PSAP: variants seen among roughly 807,000 people sequenced by gnomAD.
PSAP encodes the protein precursor of saposins.
PSAP carries 25 observed loss-of-function variants against 66.0 expected under a neutral mutation model. The observed-to-expected ratio is 0.38, with a 90% CI of 0.28 to 0.53. PSAP has a LOEUF of 0.53. Among genes scored for constraint, PSAP ranks in the 20% least tolerant of loss-of-function variants. The probability of loss-of-function intolerance (pLI) is 0.83; values close to 1 mark genes in which losing one functional copy is unlikely to be tolerated. For missense variants in PSAP, 649 were observed against 668.8 expected, an observed-to-expected ratio of 0.97 and a Z score of 0.33; for synonymous variants, 273 against 258.9, an observed-to-expected ratio of 1.05 and a Z score of -0.52.
intron 7 of PSAP, 40 bp from the exon 8 acceptor site, chr10:71,822,047 C>A: frequency 6.2e-7 from 1 of 1,613,612 alleles, no homozygotes; most frequent in Non-Finnish European, 8.5e-7. Context: ...AGCAAGCCTA[C>A]GCCCACTGCT....
intron 3 of PSAP, 118 bp from the exon 4 acceptor site, chr10:71,831,369 C>G (rs1842512746): frequency 1.4e-5 from 19 of 1,371,660 alleles, no homozygotes; most frequent in Non-Finnish European, 1.9e-5. Flanking sequence ...AACAGCCAGC[C>G]CTCAGGGAAA....
intron 1 of PSAP, among the ~76,000 whole-genome samples, chr10:71,838,483 G>A (rs1486872297): frequency 1.3e-5 from 2 of 152,250 alleles, no homozygotes; most frequent in African/African-American, 4.8e-5. Flanking sequence ...CCACCAGGGT[G>A]TGGAGCTGGT....
rs1842257063 is a variant in PSAP, at chr10:71,819,758, C to T, written c.1148G>A (p.Ser383Asn). The change falls in exon 10 of 14, where the codon AGC (serine) becomes AAC (asparagine). Residue 383 changes from serine (S) to asparagine (N), a missense_variant. By Grantham distance (46) the Ser-to-Asn change is conservative. Coordinates refer to ENST00000394936, the MANE Select transcript of PSAP (RefSeq NM_002778.4). ...LEEVSPELVCSMLHLCSGTRL... is the reference protein window; with the variant it reads ...LEEVSPELVCNMLHLCSGTRL... The stretch of plus-strand genomic sequence containing the variant: ...CGTGCCAGAGCAGAGGTGCAGCATG[C>T]TGCACACCAGCTCAGGGCTGACCTC... 5 of 1,613,980 alleles carry T rather than the reference C, an allele frequency of 3.1e-6. No homozygotes were observed. Among genetic ancestry groups the T allele is most frequent in the Non-Finnish European group, 4.2e-6 (5 of 1,180,026 alleles).
intron 1 of PSAP, among the ~76,000 whole-genome samples, chr10:71,835,159 G>A (rs997615550): frequency 3.3e-5 from 5 of 151,844 alleles, no homozygotes; most frequent in African/African-American, 1.2e-4. Context: ...GGAGAATGGC[G>A]TGAATCCGGG....
At chr10:71,825,103 A>G (rs1335599318) in intron 7 of PSAP, among the ~76,000 whole-genome samples, 2 of 152,154 alleles carry the variant, frequency 1.3e-5, no homozygotes, top group Non-Finnish European at 2.9e-5. Flanking sequence ...CCAAAAAAAT[A>G]CCCTTTAAGT....
chr10:71,836,686 C>A (rs1021935308), intron 1 of PSAP, among the ~76,000 whole-genome samples: 2 of 152,146 alleles, frequency 1.3e-5, no homozygotes, highest in East Asian at 1.9e-4. Flanking sequence ...GGGCAAGTGA[C>A]CAGCACCCCC....
chr10:71,849,178 A>G (rs1344239600), intron 1 of PSAP, among the ~76,000 whole-genome samples: 1 of 152,252 alleles, frequency 6.6e-6, no homozygotes, highest in Admixed American at 6.5e-5. Context: ...TATACAGACC[A>G]TGGAATAACT....
intron 1 of PSAP, among the ~76,000 whole-genome samples, chr10:71,849,332 G>A (rs1429847841): frequency 6.6e-6 from 1 of 152,112 alleles, no homozygotes; most frequent in Admixed American, 6.5e-5. Flanking sequence ...TCATTTCTTC[G>A]GTTTTGCATC....
chr10:71,823,816 C>CAAA (rs56911723), intron 7 of PSAP: 682 of 966,724 alleles, frequency 7.1e-4, no homozygotes, highest in Non-Finnish European at 8.3e-4. Flanking sequence ...ATGCCATACC[C>CAAA]AAAAAAAAAA....
intron 4 of PSAP, 69 bp from the exon 5 acceptor site, chr10:71,829,146 G>GCCTCTGAATTAGTC: frequency 7.1e-7 from 1 of 1,407,366 alleles, no homozygotes; most frequent in Non-Finnish European, 1.0e-6. Context: ...GCCATCTAGT[G>GCCTCTGAATTAGTC]CCTCTGAATT....
Position 71,851,246 on chromosome 10 carries a change from C to CAATGCGG in PSAP, c.-26_-25insCCGCATT. 6.5e-7 allele frequency: 1 copy of CAATGCGG among 1,549,186 alleles called. No homozygotes were observed. The highest frequency in any genetic ancestry group is 8.7e-7 in the Non-Finnish European group (1 of 1,145,266). On this transcript the variant is annotated 5_prime_UTR_variant, in exon 1 of 14. Transcript: ENST00000394936. ...TAGCGCCGTCTGACTCCGCAGTCTGCAATGCGGAGCGTCAGCTGATCCCCC... is the reference window on the plus strand; with the variant it reads ...TAGCGCCGTCTGACTCCGCAGTCTGCAATGCGGAATGCGGAGCGTCAGCTGATCCCCC...
chr10:71,819,085 C>T lies in PSAP; in HGVS notation c.1377G>A (p.Glu459=), dbSNP rs1208753948. 1.9e-6 allele frequency: 3 copies of T among 1,614,188 alleles called. No homozygotes were observed. In the South Asian group the frequency reaches 3.3e-5, roughly 18 times the overall value. Residue 459 remains glutamate, a synonymous_variant, in exon 12 of 14, where the codon GAG becomes GAA. Transcript: ENST00000394936. ...KQCDQFVAEY[E]PVLIEILVEV... ...CCACCAGGATCTCGATCAGCACGGGCTCGTACTCTGCCACAAACTGATCAC... is the reference window on the plus strand; with the variant it reads ...CCACCAGGATCTCGATCAGCACGGGTTCGTACTCTGCCACAAACTGATCAC...
intron 1 of PSAP, among the ~76,000 whole-genome samples, chr10:71,835,264 T>A (rs1444808416): frequency 6.7e-6 from 1 of 150,148 alleles, no homozygotes; most frequent in Non-Finnish European, 1.5e-5. Context: ...AAAATTAAAA[T>A]TAAAAAAAAT....
chr10:71,847,374 T>C (rs1161806919), intron 1 of PSAP, among the ~76,000 whole-genome samples: 1 of 152,156 alleles, frequency 6.6e-6, no homozygotes, highest in Non-Finnish European at 1.5e-5. Context: ...TGGTTAACCA[T>C]AAGCCCATAT....
At chr10:71,838,687 C>T (rs751635219) in intron 1 of PSAP, among the ~76,000 whole-genome samples, 69 of 152,154 alleles carry the variant, frequency 4.5e-4, no homozygotes, top group South Asian at 1.0e-3. Context: ...GCCCAGGAGG[C>T]GGAGGTTGCA....
At position 71,821,993 on chromosome 10, in the gene PSAP, G is replaced by T; in HGVS notation, c.792C>A (p.Ile264=). ...CATCACAGAACCCAACCAGCGCACA[G>T]ATCTCCTTGGGTTGCTGAAGAGAGC... ...QMMMHMQPKE[I]CALVGFCDEV... Residue 264 remains isoleucine (I), a synonymous_variant, in exon 8 of 14, where the codon ATC becomes ATA. Transcript: ENST00000394936. 1.2e-6 allele frequency: 2 copies of T among 1,614,180 alleles called. No homozygotes were observed.
At chr10:71,823,752 A>T in intron 7 of PSAP, 1 of 582,156 alleles carries the variant, frequency 1.7e-6, no homozygotes, top group Non-Finnish European at 2.7e-6. Context: ...CAGCCTATTA[A>T]CAGAGAGGGA....
In PSAP at chr10:71,819,087, C is replaced by T. The variant is rs1447733820; in HGVS notation, c.1375G>A (p.Glu459Lys). 1 of 1,614,132 alleles carries T rather than the reference C, an allele frequency of 6.2e-7. No individual in the cohort carries two copies. Among genetic ancestry groups the T allele is most frequent in the East Asian group, 2.2e-5 (1 of 44,882 alleles). The change falls in exon 12 of 14, where the codon GAG becomes AAG. Residue 459 changes from glutamate (E) to lysine (K), a missense_variant. Transcript: ENST00000394936. ...ACCAGGATCTCGATCAGCACGGGCT[C>T]GTACTCTGCCACAAACTGATCACAC... ...KQCDQFVAEY[E>K]PVLIEILVEV...
At chr10:71,845,198 T>G (rs1209402316) in intron 1 of PSAP, among the ~76,000 whole-genome samples, 1 of 152,198 alleles carries the variant, frequency 6.6e-6, no homozygotes, top group African/African-American at 2.4e-5. Flanking sequence ...AAAGACTATT[T>G]ATTGGATACA....
Sources: allele counts gnomAD v4.1 joint callset (sites outside exome capture counted in the v4.1 genomes callset), GRCh38; gene constraint gnomAD v4.1.1; transcripts MANE v1.5; gene names NCBI Gene and HGNC (gene_info 2026-07-23, HGNC 2026-07-21).